The following SMIM31 variants were observed in gnomAD, a reference collection of about 807,000 sequenced individuals.
The protein encoded by SMIM31 is small integral membrane protein 31.
chr4:164,754,405 G>T lies in SMIM31; in HGVS notation c.-32G>T, dbSNP rs138235890. 1 of 150,974 alleles carries T rather than the reference G, an allele frequency of 6.6e-6. No individual in the cohort carries two copies. The highest frequency in any genetic ancestry group is 2.4e-5 in the African/African-American group (1 of 41,144). 9.4% of individuals were successfully genotyped at this position (150,974 alleles called of 1,614,324 possible). ...CCTAGCCACTCTCAGGGACAGGAAT[G>T]CTTCTGGTAAGTTTTTATAAATCCC... On this transcript the variant is annotated 5_prime_UTR_variant, in exon 1 of 3. The change abolishes an upstream ATG in the 5' untranslated region. Transcript: ENST00000507311.
intron 2 of SMIM31, among the ~76,000 whole-genome samples, chr4:164,782,372 CTTTTAT>C (rs1732962494): frequency 1.5e-5 from 2 of 135,876 alleles, no homozygotes; most frequent in African/African-American, 6.8e-5. Context: ...TTATCTCTTT[CTTTTAT>C]TTTTTTTTTT....
intron 2 of SMIM31, among the ~76,000 whole-genome samples, chr4:164,781,885 C>T (rs1732953955): frequency 6.6e-6 from 1 of 152,160 alleles, no homozygotes; most frequent in Admixed American, 6.5e-5. Flanking sequence ...GATTTGACTA[C>T]AAAGGAGTAG....
intron 2 of SMIM31, among the ~76,000 whole-genome samples, chr4:164,777,236 C>A (rs1267239284): frequency 2.0e-5 from 3 of 152,144 alleles, no homozygotes; most frequent in Non-Finnish European, 4.4e-5. Flanking sequence ...CAAAACATGA[C>A]CAGGATAGGC....
intron 2 of SMIM31, among the ~76,000 whole-genome samples, chr4:164,785,363 T>A (rs1407149123): frequency 6.6e-6 from 1 of 152,196 alleles, no homozygotes; most frequent in African/African-American, 2.4e-5. Context: ...GTTTACACTT[T>A]GTTTTTCAAA....
intron 1 of SMIM31, 106 bp from the exon 2 acceptor site, chr4:164,770,313 C>G (rs924894102): frequency 2.5e-6 from 1 of 394,978 alleles, no homozygotes; most frequent in Non-Finnish European, 4.5e-6. Flanking sequence ...AGTATTTTAA[C>G]AAGCTTTAGC....
chr4:164,776,635 G>A (rs1388379740), intron 2 of SMIM31, among the ~76,000 whole-genome samples: 1 of 152,182 alleles, frequency 6.6e-6, no homozygotes, highest in Non-Finnish European at 1.5e-5. Flanking sequence ...CTCTTTGCAT[G>A]TCATCTAGAA....
At chr4:164,773,029 T>TAAAAAAA (rs56863708) in intron 2 of SMIM31, among the ~76,000 whole-genome samples, 8 of 76,658 alleles carry the variant, frequency 1.0e-4, no homozygotes, top group African/African-American at 3.9e-4. Flanking sequence ...CACTTGGCTT[T>TAAAAAAA]AAAAAAAAAA....
At chr4:164,768,443 AG>A (rs1303418136) in intron 1 of SMIM31, among the ~76,000 whole-genome samples, 2 of 150,262 alleles carry the variant, frequency 1.3e-5, no homozygotes, top group Non-Finnish European at 3.0e-5. Context: ...AAAAAAAAAA[AG>A]AATGAGGATT....
intron 2 of SMIM31, among the ~76,000 whole-genome samples, chr4:164,789,132 G>A (rs913100949): frequency 6.6e-6 from 1 of 152,114 alleles, no homozygotes; most frequent in Admixed American, 6.5e-5. Context: ...CACATAACAA[G>A]GTTTAAAGAA....
chr4:164,755,318 A>G lies in SMIM31; in HGVS notation c.-26+907A>G, dbSNP rs1439437770. Among the ~76,000 whole-genome samples, 3 of 151,012 alleles carry G rather than the reference A, an allele frequency of 2.0e-5. No homozygotes were observed. In the East Asian group the frequency reaches 6.0e-4, roughly 30 times the overall value. On this transcript the variant is annotated intron_variant, in intron 1 of 2. Coordinates refer to ENST00000507311, the MANE Select transcript of SMIM31 (RefSeq NM_001352885.1). Reference sequence around the variant, plus strand: ...AAAACGGTGAAACCCTGTCTCTACTAAAAATGCAAAAATTAGCTGGACACG... The same window carrying G: ...AAAACGGTGAAACCCTGTCTCTACTGAAAATGCAAAAATTAGCTGGACACG...
chr4:164,797,061 C>T (rs1307292018), intron 2 of SMIM31, among the ~76,000 whole-genome samples: 2 of 152,168 alleles, frequency 1.3e-5, no homozygotes, highest in African/African-American at 4.8e-5. Context: ...TGGCTGCTGT[C>T]ATTGCTTGGA....
At chr4:164,755,204 G>T (rs1278030767) in intron 1 of SMIM31, among the ~76,000 whole-genome samples, 1 of 151,510 alleles carries the variant, frequency 6.6e-6, no homozygotes, top group East Asian at 2.0e-4. Flanking sequence ...CCACAGCCAG[G>T]CACGGTGGCT....
chr4:164,771,029 A>G (rs1256194772), intron 2 of SMIM31, among the ~76,000 whole-genome samples: 2 of 152,218 alleles, frequency 1.3e-5, no homozygotes, highest in African/African-American at 4.8e-5. Flanking sequence ...GTGTAAATAT[A>G]CAATTAGGAA....
intron 2 of SMIM31, among the ~76,000 whole-genome samples, chr4:164,797,769 G>A (rs963220305): frequency 1.3e-5 from 2 of 151,954 alleles, no homozygotes; most frequent in African/African-American, 4.8e-5. Flanking sequence ...GGCCTAAAGT[G>A]CAAATTTCTT....
At chr4:164,782,848 CTT>C (rs1045383758) in intron 2 of SMIM31, among the ~76,000 whole-genome samples, 2 of 152,006 alleles carry the variant, frequency 1.3e-5, no homozygotes, top group Non-Finnish European at 2.9e-5. Flanking sequence ...TTTTTAAAGA[CTT>C]TATAATAGTT....
At chr4:164,779,975 A>G (rs548325420) in intron 2 of SMIM31, among the ~76,000 whole-genome samples, 1 of 152,306 alleles carries the variant, frequency 6.6e-6, no homozygotes, top group Non-Finnish European at 1.5e-5. Flanking sequence ...TCCAAGAAAA[A>G]TAATTTTGCT....
intron 2 of SMIM31, among the ~76,000 whole-genome samples, chr4:164,781,021 C>A (rs1420534092): frequency 1.3e-5 from 2 of 152,034 alleles, no homozygotes; most frequent in Non-Finnish European, 2.9e-5. Flanking sequence ...GTTGCCCAGG[C>A]AGGTCGCAAA....
chr4:164,775,620 T>C (rs1035154468), intron 2 of SMIM31, among the ~76,000 whole-genome samples: 10 of 152,210 alleles, frequency 6.6e-5, no homozygotes, highest in African/African-American at 2.4e-4. Flanking sequence ...ATCTGCTTAC[T>C]TGTGCGCACA....
chr4:164,758,959 C>T (rs1579059212), intron 1 of SMIM31, among the ~76,000 whole-genome samples: 2 of 151,310 alleles, frequency 1.3e-5, no homozygotes, highest in South Asian at 4.2e-4. Context: ...TGAGCCACCG[C>T]GCCCTGCCTC....
Sources: gnomAD v4.1 joint callset for allele counts (sites outside exome capture counted in the v4.1 genomes callset) on GRCh38, gnomAD v4.1.1 for gene constraint, MANE v1.5 for transcripts, NCBI Gene and HGNC (gene_info 2026-07-23, HGNC 2026-07-21) for gene names.